GP9: variants seen among roughly 807,000 people sequenced by gnomAD.
GP9 encodes platelet glycoprotein IX.
For missense variants in GP9, 228 were observed against 241.8 expected, an observed-to-expected ratio of 0.94 and a Z score of 0.38; for synonymous variants, 116 against 116.7, an observed-to-expected ratio of 0.99 and a Z score of 0.04.
Position 129,062,316 on chromosome 3 carries a change from C to T in GP9, c.*43C>T, listed in dbSNP as rs1279873750. On this transcript the variant is annotated 3_prime_UTR_variant, in exon 3 of 3. Transcript: ENST00000307395. ...CCTGGCTCCAGGCCAGGGGGCCAGT[C>T]CCTGAGGCAGGTCCCCAGACTCCAC... The T allele has an allele frequency of 1.4e-6, 2 of 1,413,482 alleles. No individual in the cohort carries two copies. Among genetic ancestry groups the T allele is most frequent in the Non-Finnish European group, 1.9e-6 (2 of 1,035,060 alleles). The allele number at this position is 1,413,482 out of a possible 1,614,324, so 87.6% of individuals were successfully genotyped here.
At position 129,061,908 on chromosome 3, in the gene GP9, C is replaced by T; in HGVS notation, c.169C>T (p.Leu57=). The part of the protein sequence containing the change: ...PALPARTRHL[L]LANNSLQSVP... ...CCTGCCGGCCCGCACCCGCCACCTTCTGCTGGCCAACAACAGCCTTCAGTC... is the reference window on the plus strand; with the variant it reads ...CCTGCCGGCCCGCACCCGCCACCTTTTGCTGGCCAACAACAGCCTTCAGTC... The change falls in exon 3 of 3, where the codon CTG becomes TTG. Residue 57 remains leucine, a synonymous_variant. Coordinates refer to ENST00000307395, the MANE Select transcript of GP9 (RefSeq NM_000174.5). The T allele has an allele frequency of 6.2e-7, 1 of 1,613,772 alleles. No individual in the cohort carries two copies. The highest frequency in any genetic ancestry group is 8.5e-7 in the Non-Finnish European group (1 of 1,179,882).
upstream of GP9, among the ~76,000 whole-genome samples, chr3:129,059,838 A>T (rs1278590614): frequency 6.6e-6 from 1 of 152,220 alleles, no homozygotes; most frequent in Non-Finnish European, 1.5e-5. Flanking sequence ...CCACCCCCGT[A>T]GGGCCGAGGA....
rs1218628714 is a variant in GP9 at position 129,062,180 on chromosome 3, G to A, written c.441G>A (p.Gly147=). 9.5e-6 allele frequency: 15 copies of A among 1,575,548 alleles called. No individual in the cohort carries two copies. Among genetic ancestry groups the A allele is most frequent in the Non-Finnish European group, 1.2e-5 (14 of 1,165,026 alleles). Residue 147 remains glycine, a synonymous_variant, in exon 3 of 3, where the codon GGG becomes GGA. Coordinates refer to ENST00000307395, the MANE Select transcript of GP9 (RefSeq NM_000174.5). ...WQLQASWVRP[G]VLWDVALVAV... is the part of the protein sequence containing the mutation. ...TGCAGGCGTCCTGGGTGCGCCCGGG[G>A]GTCTTGTGGGACGTGGCGCTGGTCG...
upstream of GP9, among the ~76,000 whole-genome samples, chr3:129,057,558 G>C (rs765151891): frequency 3.9e-5 from 6 of 152,180 alleles, no homozygotes; most frequent in Non-Finnish European, 5.9e-5. Flanking sequence ...GTAGCTTCCT[G>C]ACCACAGGGG....
chr3:129,062,074 G>C lies in GP9; in HGVS notation c.335G>C (p.Arg112Pro). 6.2e-7 allele frequency: 1 copy of C among 1,610,324 alleles called. No homozygotes were observed. The highest frequency in any genetic ancestry group is 8.5e-7 in the Non-Finnish European group (1 of 1,178,966). ...ACGCCCGAGGCCCTGCTGCAGGTCC[G>C]CTGTGCCAGCCCCAGCCTCGCTGCC... ...DRTPEALLQV[R>P]CASPSLAAHG... Residue 112 changes from arginine (R) to proline (P), a missense_variant, in exon 3 of 3, where the codon CGC (arginine) becomes CCC (proline). By Grantham distance (103) the Arg-to-Pro change is moderately radical (BLOSUM62 -2). Transcript: ENST00000307395.
upstream of GP9, among the ~76,000 whole-genome samples, chr3:129,059,516 G>A (rs1156367885): frequency 1.3e-5 from 2 of 152,214 alleles, no homozygotes; most frequent in African/African-American, 4.8e-5. Flanking sequence ...AGTCCCCACT[G>A]AGCACATACC....
chr3:129,059,876 G>A (rs147501956), upstream of GP9, among the ~76,000 whole-genome samples: 257 of 152,336 alleles, frequency 1.7e-3, no homozygotes, highest in African/African-American at 4.9e-3. Flanking sequence ...GAATGTCAAC[G>A]AAGTGCGTTT....
In GP9 at chr3:129,061,979, C is replaced by T. The variant is rs1332523323; in HGVS notation, c.240C>T (p.Leu80=). The T allele has an allele frequency of 1.2e-6, 2 of 1,613,706 alleles. No individual in the cohort carries two copies. Among genetic ancestry groups the T allele is most frequent in the Non-Finnish European group, 1.7e-6 (2 of 1,179,860 alleles). ...AFDHLPQLQT[L]DVTQNPWHCD... ...ACCACCTGCCCCAGCTGCAGACCCT[C>T]GATGTGACGCAGAACCCCTGGCACT... Residue 80 remains leucine, a synonymous_variant, in exon 3 of 3, where the codon CTC becomes CTT. Transcript: ENST00000307395.
At position 129,062,235 on chromosome 3, in the gene GP9, G is replaced by C; in HGVS notation, c.496G>C (p.Ala166Pro). The C allele has an allele frequency of 6.4e-7, 1 of 1,559,614 alleles. No individual in the cohort carries two copies. The highest frequency in any genetic ancestry group is 2.4e-5 in the East Asian group (1 of 42,298). ...GGCCGCGCTGGGCCTGGCTCTTCTG[G>C]CTGGCCTGCTGTGTGCCACCACAGA... ...AVAALGLALL[A>P]GLLCATTEAL... Residue 166 changes from alanine to proline, a missense_variant, in exon 3 of 3, where the codon GCT (alanine) becomes CCT (proline). Transcript: ENST00000307395.
In GP9 at chr3:129,062,403, A is replaced by G; in HGVS notation, c.*130A>G. ...TAAACTGGCAGCTCAGCTGTTTTAT[A>G]TAAGCTCAGAGATTTTTTTTTTTTC... On this transcript the variant is annotated 3_prime_UTR_variant, in exon 3 of 3. Coordinates refer to ENST00000307395, the MANE Select transcript of GP9 (RefSeq NM_000174.5). 1 of 641,536 alleles carries G rather than the reference A, an allele frequency of 1.6e-6. No individual in the cohort carries two copies. The highest frequency in any genetic ancestry group is 2.1e-5 in the South Asian group (1 of 47,404). 39.7% of individuals were successfully genotyped at this position (641,536 alleles called of 1,614,324 possible). A position where few individuals can be genotyped will look rare whatever the true frequency, so the allele number is the denominator to read the frequency against.
upstream of GP9, among the ~76,000 whole-genome samples, chr3:129,058,444 T>C (rs1328566624): frequency 1.3e-5 from 2 of 152,252 alleles, no homozygotes; most frequent in African/African-American, 4.8e-5. Context: ...CCCAGCCTGC[T>C]GATGGCAGCA....
rs765620037 is a variant in GP9, at chr3:129,062,197, C to A, written c.458C>A (p.Ala153Glu). 1.3e-6 allele frequency: 2 copies of A among 1,568,780 alleles called. No homozygotes were observed. The highest frequency in any genetic ancestry group is 1.2e-5 in the South Asian group (1 of 86,550). The part of the protein sequence containing the change: ...WVRPGVLWDV[A>E]LVAVAALGLA... The stretch of plus-strand genomic sequence containing the variant: ...CGCCCGGGGGTCTTGTGGGACGTGG[C>A]GCTGGTCGCCGTGGCCGCGCTGGGC... The change falls in exon 3 of 3, where the codon GCG (alanine) becomes GAG (glutamate). Residue 153 changes from alanine to glutamate, a missense_variant. By Grantham distance (107) the Ala-to-Glu change is moderately radical. Transcript: ENST00000307395.
chr3:129,061,900 G>A lies in GP9; in HGVS notation c.161G>A (p.Arg54His), dbSNP rs763418097. The A allele has an allele frequency of 5.6e-6, 9 of 1,613,360 alleles. No individual in the cohort carries two copies. The highest frequency in any genetic ancestry group is 3.3e-5 in the South Asian group (3 of 91,044). ...TALPALPART[R>H]HLLLANNSLQ... ...CTGCCTGCCCTGCCGGCCCGCACCC[G>A]CCACCTTCTGCTGGCCAACAACAGC... The change falls in exon 3 of 3, where the codon CGC becomes CAC. Residue 54 changes from arginine (R) to histidine (H), a missense_variant. Physicochemically the swap from Arg to His is conservative, Grantham distance 29. Transcript: ENST00000307395.
upstream of GP9, among the ~76,000 whole-genome samples, chr3:129,060,376 A>G (rs1019825249): frequency 1.3e-5 from 2 of 152,252 alleles, no homozygotes; most frequent in Non-Finnish European, 2.9e-5. Context: ...TCTCCCCACC[A>G]TGGTGTTCTC....
At chr3:129,059,828 C>T (rs1946556159), upstream of GP9, among the ~76,000 whole-genome samples, 1 of 152,170 alleles carries the variant, frequency 6.6e-6, no homozygotes, top group Non-Finnish European at 1.5e-5. Flanking sequence ...AAGCACACCC[C>T]CACCCCCGTA....
At position 129,061,739 on chromosome 3, in the gene GP9, C is replaced by G. The variant is rs751649007; in HGVS notation, c.-1C>G. ...CCCTCTCTCTGCAGCCAGCCTGTCC[C>G]ATGCCTGCCTGGGGAGCCCTGTTCC... On this transcript the variant is annotated 5_prime_UTR_variant, in exon 3 of 3. Transcript: ENST00000307395. 2 of 1,611,588 alleles carry G rather than the reference C, an allele frequency of 1.2e-6. No homozygotes were observed. Among genetic ancestry groups the G allele is most frequent in the African/African-American group, 1.3e-5 (1 of 75,026 alleles).
upstream of GP9, among the ~76,000 whole-genome samples, chr3:129,059,286 T>C (rs1480488752): frequency 6.6e-6 from 1 of 152,240 alleles, no homozygotes; most frequent in Non-Finnish European, 1.5e-5. Flanking sequence ...TCTCAGAGGC[T>C]CAAGAGGAAG....
At chr3:129,056,780 G>A (rs1171301861), upstream of GP9, among the ~76,000 whole-genome samples, 1 of 152,178 alleles carries the variant, frequency 6.6e-6, no homozygotes, top group African/African-American at 2.4e-5. Flanking sequence ...AAATTCCACA[G>A]GGCTCCAGAA....
At chr3:129,057,331 T>C (rs1192825872), upstream of GP9, among the ~76,000 whole-genome samples, 1 of 152,018 alleles carries the variant, frequency 6.6e-6, no homozygotes, top group Non-Finnish European at 1.5e-5. Flanking sequence ...GTCATCTGAA[T>C]TGAGATGAGA....
Sources: allele counts gnomAD v4.1 joint callset (sites outside exome capture counted in the v4.1 genomes callset), GRCh38; gene constraint gnomAD v4.1.1; transcripts MANE v1.5; gene names NCBI Gene and HGNC (gene_info 2026-07-23, HGNC 2026-07-21).